The following GAB2 variants were observed in gnomAD, a reference collection of about 807,000 sequenced individuals.
The protein encoded by GAB2 is GRB2 associated binding protein 2.
GAB2 carries 26 observed loss-of-function variants against 65.5 expected under a neutral mutation model. That is an observed-to-expected ratio of 0.40 (90% CI 0.29 to 0.55). GAB2 has a LOEUF of 0.55. Ranked by LOEUF, GAB2 falls within the 20% of genes least tolerant of loss-of-function variation. GAB2 has a pLI of 0.53. For missense variants in GAB2, 884 were observed against 875.8 expected, an observed-to-expected ratio of 1.01 and a Z score of -0.12; for synonymous variants, 321 against 329.6, an observed-to-expected ratio of 0.97 and a Z score of 0.28.
chr11:78,407,697 GAA>G (rs1466180769), intron 1 of GAB2, among the ~76,000 whole-genome samples: 1 of 116,904 alleles, frequency 8.6e-6, no homozygotes, highest in Admixed American at 9.7e-5. Context: ...AAGAAAGAAA[GAA>G]AGAGATGGCA....
At chr11:78,416,605 C>T (rs1360776179) in intron 1 of GAB2, among the ~76,000 whole-genome samples, 1 of 152,128 alleles carries the variant, frequency 6.6e-6, no homozygotes, top group African/African-American at 2.4e-5. Context: ...TAAACAAGGG[C>T]ATTTCATGGG....
chr11:78,273,009 G>A (rs529796051), intron 2 of GAB2, among the ~76,000 whole-genome samples: 126 of 152,308 alleles, frequency 8.3e-4, no homozygotes, highest in African/African-American at 2.9e-3. Flanking sequence ...ACAGAAGTCA[G>A]GAATTGAGGT....
chr11:78,288,118 G>A (rs1050340909), intron 1 of GAB2, among the ~76,000 whole-genome samples: 10 of 151,616 alleles, frequency 6.6e-5, no homozygotes, highest in African/African-American at 1.9e-4. Context: ...AGTGGCTCAT[G>A]CCTGTAATCC....
At chr11:78,382,091 G>A (rs1338604191) in intron 1 of GAB2, among the ~76,000 whole-genome samples, 2 of 152,156 alleles carry the variant, frequency 1.3e-5, no homozygotes, top group Admixed American at 1.3e-4. Context: ...AAGTTTTACT[G>A]ATCCCTCCAG....
intron 1 of GAB2, among the ~76,000 whole-genome samples, chr11:78,376,394 CA>C (rs1439770162): frequency 6.6e-6 from 1 of 152,192 alleles, no homozygotes; most frequent in East Asian, 1.9e-4. Context: ...TTAACTCACT[CA>C]ATCTTCACAA....
intron 3 of GAB2, among the ~76,000 whole-genome samples, chr11:78,242,500 TCAAAA>T (rs1865165973): frequency 6.8e-6 from 1 of 147,368 alleles, no homozygotes; most frequent in African/African-American, 2.6e-5. Context: ...AGACTCCGTC[TCAAAA>T]CAAAAAAAAA....
At chr11:78,306,524 G>A (rs555370351) in intron 1 of GAB2, among the ~76,000 whole-genome samples, 1 of 152,166 alleles carries the variant, frequency 6.6e-6, no homozygotes, top group East Asian at 1.9e-4. Flanking sequence ...TGAGCACTGC[G>A]CCCGGCCCCT....
intron 1 of GAB2, among the ~76,000 whole-genome samples, chr11:78,407,671 A>AAGAGATGGC (rs1164469841): frequency 2.7e-5 from 4 of 147,264 alleles, no homozygotes; most frequent in African/African-American, 1.1e-4. Context: ...GAAAGAAAGA[A>AAGAGATGGC]AGAAAGAAAG....
chr11:78,400,353 A>G (rs1038785059), intron 1 of GAB2, among the ~76,000 whole-genome samples: 3 of 152,172 alleles, frequency 2.0e-5, no homozygotes, highest in Non-Finnish European at 2.9e-5. Context: ...AACTCCATAT[A>G]AGGGCATCAT....
At chr11:78,266,602 A>G (rs1414213923) in intron 2 of GAB2, among the ~76,000 whole-genome samples, 1 of 152,160 alleles carries the variant, frequency 6.6e-6, no homozygotes, top group African/African-American at 2.4e-5. Flanking sequence ...TTAACCCCCA[A>G]TTTTTTATCT....
At position 78,218,057 on chromosome 11, in the gene GAB2, T is replaced by A. The variant is rs943945973; in HGVS notation, c.*1215A>T. 6.5e-6 allele frequency: 1 copy of A among 153,038 alleles called. No individual in the cohort carries two copies. Among genetic ancestry groups the A allele is most frequent in the African/African-American group, 2.4e-5 (1 of 41,460 alleles). 9.5% of individuals were successfully genotyped at this position (153,038 alleles called of 1,614,324 possible). On this transcript the variant is annotated 3_prime_UTR_variant, in exon 10 of 10. Coordinates refer to ENST00000361507, the MANE Select transcript of GAB2 (RefSeq NM_080491.3). ...CACCCTGCACCCCCAAGGATTGCGT[T>A]GGGCACCCCCCAACTCCCAGGCCCT...
intron 1 of GAB2, among the ~76,000 whole-genome samples, chr11:78,368,007 G>A (rs1006501445): frequency 5.3e-5 from 8 of 151,860 alleles, no homozygotes; most frequent in African/African-American, 7.3e-5. Flanking sequence ...TAGTAGAGAC[G>A]GGGTTTCACC....
chr11:78,303,927 C>T (rs1049969772), intron 1 of GAB2, among the ~76,000 whole-genome samples: 14 of 152,114 alleles, frequency 9.2e-5, no homozygotes, highest in African/African-American at 2.7e-4. Context: ...CTTGAAAGAA[C>T]TGATCTCAGT....
intron 2 of GAB2, among the ~76,000 whole-genome samples, chr11:78,256,867 GCTGTGTAA>G (rs1052141975): frequency 3.9e-5 from 6 of 152,148 alleles, no homozygotes; most frequent in Admixed American, 2.6e-4. Context: ...GGTACTTCTT[GCTGTGTAA>G]CTGACCTTCC....
chr11:78,400,659 T>G (rs921671030), intron 1 of GAB2, among the ~76,000 whole-genome samples: 49 of 152,020 alleles, frequency 3.2e-4, no homozygotes, highest in Non-Finnish European at 6.3e-4. Context: ...TCCCAGCACT[T>G]TGGGAGGCTG....
intron 1 of GAB2, among the ~76,000 whole-genome samples, chr11:78,346,717 A>G (rs1195243792): frequency 2.5e-5 from 1 of 40,110 alleles, no homozygotes; most frequent in Admixed American, 2.9e-4. Flanking sequence ...ATATATATAT[A>G]TATAATTTTT....
Position 78,346,684 on chromosome 11 carries a change from T to C in GAB2, c.76-65783A>G, listed in dbSNP as rs1341333242. On this transcript the variant is annotated intron_variant, in intron 1 of 9. Coordinates refer to ENST00000361507, the MANE Select transcript of GAB2 (RefSeq NM_080491.3). ...TGTTTACATCCCCTCCATATATATA[T>C]ATATATATATATATATATATATATA... 7.0e-3 allele frequency among the ~76,000 whole-genome samples: 170 copies of C among 24,430 alleles called. 7 individuals are homozygous for C. The highest frequency in any genetic ancestry group is 0.015 in the African/African-American group (132 of 8,592). The allele number at this position is 24,430 out of a possible 152,430, so 16.0% of individuals were successfully genotyped here.
chr11:78,308,404 A>G (rs1855417413), intron 1 of GAB2, among the ~76,000 whole-genome samples: 1 of 152,136 alleles, frequency 6.6e-6, no homozygotes, highest in African/African-American at 2.4e-5. Context: ...ATTATGGGAA[A>G]GGATGTGGGG....
chr11:78,359,627 CGA>C (rs1565172729), intron 1 of GAB2, among the ~76,000 whole-genome samples: 2 of 152,054 alleles, frequency 1.3e-5, no homozygotes, highest in African/African-American at 4.8e-5. Context: ...AAAACAAAGA[CGA>C]GCACAGATAT....
Sources: allele counts gnomAD v4.1 joint callset (sites outside exome capture counted in the v4.1 genomes callset), GRCh38; gene constraint gnomAD v4.1.1; transcripts MANE v1.5; gene names NCBI Gene and HGNC (gene_info 2026-07-23, HGNC 2026-07-21).